DPP6: variants seen among roughly 807,000 people sequenced by gnomAD.
The protein encoded by DPP6 is dipeptidyl peptidase like 6.
In DPP6, 69 loss-of-function variants were observed where a neutral mutation model predicts 122.6. That is an observed-to-expected ratio of 0.56 (90% CI 0.46 to 0.69). DPP6 has a LOEUF of 0.69. Among genes scored for constraint, DPP6 ranks in the 30% least tolerant of loss-of-function variants. The probability of loss-of-function intolerance (pLI) is 0.00; values close to 1 mark genes in which losing one functional copy is unlikely to be tolerated. For synonymous variants in DPP6, 418 were observed against 433.1 expected (o/e 0.97, Z 0.43); for missense variants, 928 against 1,116.9 (o/e 0.83, Z 2.41).
intron 1 of DPP6, among the ~76,000 whole-genome samples, chr7:154,002,046 C>G (rs1776283689): frequency 6.6e-6 from 1 of 152,142 alleles, no homozygotes; most frequent in Non-Finnish European, 1.5e-5. Flanking sequence ...GTGTGTTTTC[C>G]AAGTTGCCAC....
At chr7:154,780,574 C>A (rs1412176538) in intron 10 of DPP6, among the ~76,000 whole-genome samples, 1 of 152,232 alleles carries the variant, frequency 6.6e-6, no homozygotes, top group Non-Finnish European at 1.5e-5. Flanking sequence ...GTCAGTAAAA[C>A]ACTGAAACAC....
intron 21 of DPP6, among the ~76,000 whole-genome samples, chr7:154,881,918 C>T (rs565915243): frequency 1.7e-4 from 26 of 152,284 alleles, no homozygotes; most frequent in Middle Eastern, 3.4e-3. Flanking sequence ...CTGTGAGGCC[C>T]GAAGCCACTG....
intron 1 of DPP6, among the ~76,000 whole-genome samples, chr7:154,362,879 TCA>T (rs1811850083): frequency 6.6e-6 from 1 of 152,208 alleles, no homozygotes; most frequent in Non-Finnish European, 1.5e-5. Context: ...TACATCAGCA[TCA>T]ACTGGAGCTT....
chr7:154,077,118 A>G (rs1803613025), intron 1 of DPP6, among the ~76,000 whole-genome samples: 1 of 152,218 alleles, frequency 6.6e-6, no homozygotes, highest in Non-Finnish European at 1.5e-5. Flanking sequence ...TTGCACTAAA[A>G]ATAATGTTTG....
At chr7:154,677,426 A>T (rs886118276) in intron 7 of DPP6, among the ~76,000 whole-genome samples, 1 of 152,194 alleles carries the variant, frequency 6.6e-6, no homozygotes, top group African/African-American at 2.4e-5. Flanking sequence ...ACCTTATGGC[A>T]TTGGGGTTTT....
intron 1 of DPP6, among the ~76,000 whole-genome samples, chr7:154,273,394 C>T (rs903884568): frequency 3.3e-5 from 5 of 152,204 alleles, no homozygotes; most frequent in Non-Finnish European, 7.3e-5. Flanking sequence ...ACAGCCAGCT[C>T]CCCTAGCAAG....
At chr7:153,965,672 C>T (rs1011799160) in intron 1 of DPP6, among the ~76,000 whole-genome samples, 1 of 152,088 alleles carries the variant, frequency 6.6e-6, no homozygotes, top group Non-Finnish European at 1.5e-5. Context: ...ACCACCACGC[C>T]TGGCTAATTT....
At chr7:154,575,442 G>GTGTGTGTATGTATGTGTGATA (rs1831559015) in intron 5 of DPP6, among the ~76,000 whole-genome samples, 11 of 104,708 alleles carry the variant, frequency 1.1e-4, no homozygotes, top group Non-Finnish European at 2.0e-4. Flanking sequence ...TATGTGTGTG[G>GTGTGTGTATGTATGTGTGATA]TGTGTGTATG....
intron 1 of DPP6, among the ~76,000 whole-genome samples, chr7:154,054,417 TATGA>T (rs1382309541): frequency 6.6e-6 from 1 of 151,966 alleles, no homozygotes; most frequent in Non-Finnish European, 1.5e-5. Flanking sequence ...GTTTTTGTTT[TATGA>T]ATGAAGGATG....
At chr7:154,367,182 A>G (rs1812259559) in intron 1 of DPP6, among the ~76,000 whole-genome samples, 3 of 152,148 alleles carry the variant, frequency 2.0e-5, no homozygotes. Context: ...TGCTAAGGTG[A>G]CAGGTGGGGG....
At chr7:154,671,866 A>ACACAGACACGTG (rs1838580172) in intron 7 of DPP6, among the ~76,000 whole-genome samples, 2 of 118,008 alleles carry the variant, frequency 1.7e-5, no homozygotes, top group Non-Finnish European at 4.2e-5. Context: ...ACACACATGC[A>ACACAGACACGTG]CACACACACA....
At chr7:153,869,841 G>T in the DPP6 span, among the ~76,000 whole-genome samples, 4 of 152,126 alleles carry the variant, frequency 2.6e-5, no homozygotes, top group Admixed American at 2.6e-4. Context: ...TTTAGGGCAG[G>T]CCTGGTGGTG....
In DPP6 at chr7:154,190,929, A is replaced by G. The variant is rs115890559; in HGVS notation, c.243+137866A>G. On this transcript the variant is annotated intron_variant, in intron 1 of 25. Coordinates refer to ENST00000377770, the MANE Select transcript of DPP6 (RefSeq NM_130797.4). ...AAATTTCCATTATCAGCTGTTTTCAAAGAAAATATTTATTTTCTTTTTATT... is the reference window on the plus strand; with the variant it reads ...AAATTTCCATTATCAGCTGTTTTCAGAGAAAATATTTATTTTCTTTTTATT... 9.6e-3 allele frequency among the ~76,000 whole-genome samples: 1,460 copies of G among 152,344 alleles called. 20 individuals are homozygous for G. The highest frequency in any genetic ancestry group is 0.032 in the African/African-American group (1,348 of 41,578).
rs760976079 is a variant in DPP6 at position 154,892,702 on chromosome 7, C to A, written c.*222C>A. 2 of 969,722 alleles carry A rather than the reference C, an allele frequency of 2.1e-6. No homozygotes were observed. The highest frequency in any genetic ancestry group is 3.2e-6 in the Non-Finnish European group (2 of 620,198). 60.1% of individuals were successfully genotyped at this position (969,722 alleles called of 1,614,324 possible). A position where few individuals can be genotyped will look rare whatever the true frequency, so the allele number is the denominator to read the frequency against. On this transcript the variant is annotated 3_prime_UTR_variant, in exon 26 of 26. Transcript: ENST00000377770. ...ATGGCACCAGGGACAACGCTGTCCC[C>A]GCAGCAGCGCCTCCTCCCGGCGCCC...
At chr7:154,629,659 C>T (rs1197539563) in intron 5 of DPP6, among the ~76,000 whole-genome samples, 6 of 152,216 alleles carry the variant, frequency 3.9e-5, no homozygotes, top group African/African-American at 1.4e-4. Flanking sequence ...AAGGAAAGGA[C>T]TGTGGAGGTC....
intron 7 of DPP6, among the ~76,000 whole-genome samples, chr7:154,671,239 A>G (rs1043961816): frequency 1.7e-5 from 2 of 117,584 alleles, no homozygotes; most frequent in African/African-American, 6.9e-5. Context: ...ATCATCTGTG[A>G]AAGTGGCCAT....
At chr7:153,954,949 C>T (rs747262437) in intron 1 of DPP6, among the ~76,000 whole-genome samples, 9 of 152,062 alleles carry the variant, frequency 5.9e-5, no homozygotes, top group Admixed American at 1.3e-4. Flanking sequence ...TCCTTACTAT[C>T]GGGAAGGTAA....
chr7:154,250,148 C>T (rs1802258008), intron 1 of DPP6, among the ~76,000 whole-genome samples: 1 of 152,124 alleles, frequency 6.6e-6, no homozygotes, highest in Non-Finnish European at 1.5e-5. Context: ...AGCGGACTCC[C>T]TTAGAGTTGT....
At chr7:154,470,471 G>T (rs867470843) in intron 2 of DPP6, among the ~76,000 whole-genome samples, 1 of 152,168 alleles carries the variant, frequency 6.6e-6, no homozygotes, top group Non-Finnish European at 1.5e-5. Context: ...ACCTCTACCT[G>T]CAGGGATTGC....
Sources: allele counts gnomAD v4.1 joint callset (sites outside exome capture counted in the v4.1 genomes callset), GRCh38; gene constraint gnomAD v4.1.1; transcripts MANE v1.5; gene names NCBI Gene and HGNC (gene_info 2026-07-23, HGNC 2026-07-21).